CLTCL1: variants seen among roughly 807,000 people sequenced by gnomAD.
CLTCL1 encodes clathrin heavy chain like 1, also known as clathrin heavy chain 2.
CLTCL1 carries 159 observed loss-of-function variants against 190.0 expected under a neutral mutation model. The ratio of observed to expected loss-of-function variants is 0.84; its 90% CI spans 0.74 to 0.95. The LOEUF is 0.95. Among genes scored for constraint, CLTCL1 ranks in the 40% least tolerant of loss-of-function variants. CLTCL1 has a pLI of 0.00. For synonymous variants in CLTCL1, 752 were observed against 769.6 expected (o/e 0.98, Z 0.38); for missense variants, 1,878 against 2,033.4 (o/e 0.92, Z 1.47).
intron 2 of CLTCL1, among the ~76,000 whole-genome samples, chr22:19,260,528 C>T (rs2086906457): frequency 6.6e-6 from 1 of 151,978 alleles, no homozygotes; most frequent in African/African-American, 2.4e-5. Context: ...GTAATCCCAG[C>T]ACTTTGGAAG....
chr22:19,210,330 A>G lies in CLTCL1; in HGVS notation c.3245T>C (p.Ile1082Thr). 3 of 1,613,660 alleles carry G rather than the reference A, an allele frequency of 1.9e-6. No individual in the cohort carries two copies. The highest frequency in any genetic ancestry group is 2.5e-6 in the Non-Finnish European group (3 of 1,179,594). ...TGCTTACACTCAGCAGCCCACCTGG[A>G]TTGCTGAGGCATTCATATCAAACTT... ...FHKFDMNASA[I>T]QVLIEHIGNL... The change falls in exon 20 of 33, where the codon ATC (isoleucine) becomes ACC (threonine). Residue 1082 changes from isoleucine to threonine, a missense_variant. Transcript: ENST00000427926.
At chr22:19,189,589 T>G (rs2084424983) in intron 27 of CLTCL1, among the ~76,000 whole-genome samples, 1 of 152,206 alleles carries the variant, frequency 6.6e-6, no homozygotes, top group African/African-American at 2.4e-5. Flanking sequence ...ATTCAGCCCC[T>G]TCTTCAGGCT....
chr22:19,199,498 G>A (rs712957), intron 24 of CLTCL1, among the ~76,000 whole-genome samples: 8,973 of 152,298 alleles, frequency 0.059, 329 homozygotes, highest in Middle Eastern at 0.16. Flanking sequence ...AGAGGATGGA[G>A]AGAACTTAAA....
intron 2 of CLTCL1, chr22:19,258,212 G>A (rs1238790300): frequency 5.8e-6 from 2 of 341,888 alleles, no homozygotes; most frequent in South Asian, 2.4e-5. Flanking sequence ...TACTAGCTTT[G>A]GGTTGACTGT....
At chr22:19,184,474 G>A (rs532078879) in intron 29 of CLTCL1, 149 of 455,998 alleles carry the variant, frequency 3.3e-4, no homozygotes, top group African/African-American at 2.3e-3. Context: ...AGCTGGCTCC[G>A]GAAAGAAGTC....
At chr22:19,207,789 G>A (rs1236865016) in intron 22 of CLTCL1, 6 of 580,808 alleles carry the variant, frequency 1.0e-5, no homozygotes, top group South Asian at 2.2e-5. Context: ...CAGCACACGC[G>A]AGGATCTGTG....
At chr22:19,219,546 C>T (rs1192621775) in intron 18 of CLTCL1, among the ~76,000 whole-genome samples, 4 of 151,626 alleles carry the variant, frequency 2.6e-5, no homozygotes, top group African/African-American at 4.9e-5. Context: ...TGCAGTGGCA[C>T]GATGTCGGCT....
chr22:19,229,458 C>T (rs1456492884), intron 11 of CLTCL1, among the ~76,000 whole-genome samples: 2 of 152,132 alleles, frequency 1.3e-5, no homozygotes, highest in African/African-American at 4.8e-5. Flanking sequence ...TTAACAGTTA[C>T]ATAGTTACTC....
intron 2 of CLTCL1, chr22:19,258,381 A>T (rs2086833968): frequency 2.4e-6 from 1 of 422,050 alleles, no homozygotes; most frequent in Non-Finnish European, 4.5e-6. Flanking sequence ...GTCCACCGAG[A>T]TCAGAGCTGC....
chr22:19,279,692 C>G (rs1012062337), intron 1 of CLTCL1, among the ~76,000 whole-genome samples: 1 of 152,228 alleles, frequency 6.6e-6, no homozygotes, highest in Non-Finnish European at 1.5e-5. Context: ...CACGGATAAT[C>G]AGTCCCCTAC....
intron 11 of CLTCL1, among the ~76,000 whole-genome samples, chr22:19,228,291 T>C (rs952491053): frequency 3.9e-5 from 6 of 152,248 alleles, no homozygotes; most frequent in Non-Finnish European, 8.8e-5. Flanking sequence ...TTTTATAGAA[T>C]GTAGAAACCA....
Position 19,208,280 on chromosome 22 carries a change from CT to C in CLTCL1, c.3473del (p.Gln1158ArgfsTer12), listed in dbSNP as rs782362382. On this transcript the variant is annotated frameshift_variant, in exon 22 of 33. Transcript: ENST00000427926. LOFTEE classifies it high-confidence loss of function. ...NNWEDLVKFL[Q>X]MARKKGRESY... ...ACTCACGGCCCTTTTTCCTGGCCAT[CT>C]GCAGAAATTTAACTAGATCCTCCCA... 4 of 1,613,784 alleles carry C rather than the reference CT, an allele frequency of 2.5e-6. No homozygotes were observed. The South Asian group carries it at 4.4e-5, about 18-fold the overall frequency.
At chr22:19,232,198 G>C (rs1460932415) in intron 10 of CLTCL1, among the ~76,000 whole-genome samples, 2 of 151,990 alleles carry the variant, frequency 1.3e-5, no homozygotes, top group Non-Finnish European at 2.9e-5. Flanking sequence ...TGGAGGGCTG[G>C]AACCTAAATG....
chr22:19,196,771 A>T lies in CLTCL1; in HGVS notation c.3874-115T>A, dbSNP rs1258560642. On this transcript the variant is annotated intron_variant, in intron 24 of 32. Transcript: ENST00000427926. Reference sequence around the variant, plus strand: ...CTTGTGACTGGGAATGATCCCGAGGAGGCATGTGTGAAGAAAACGTGTATA... The same window carrying T: ...CTTGTGACTGGGAATGATCCCGAGGTGGCATGTGTGAAGAAAACGTGTATA... 6 of 1,225,110 alleles carry T rather than the reference A, an allele frequency of 4.9e-6. No individual in the cohort carries two copies. In the African/African-American group the frequency reaches 9.1e-5, roughly 19 times the overall value. 75.9% of individuals were successfully genotyped at this position (1,225,110 alleles called of 1,614,324 possible).
At chr22:19,257,662 C>G (rs1437045701) in intron 2 of CLTCL1, 4 of 503,012 alleles carry the variant, frequency 8.0e-6, no homozygotes, top group Non-Finnish European at 1.4e-5. Context: ...TCCCAGATCT[C>G]TGTGTCCTGC....
At chr22:19,183,794 T>A (rs1477966638) in intron 29 of CLTCL1, 183 bp from the exon 30 acceptor site, 5 of 634,854 alleles carry the variant, frequency 7.9e-6, no homozygotes, top group Non-Finnish European at 1.4e-5. Flanking sequence ...GAAACGGAGA[T>A]GCCACCTCCG....
At chr22:19,208,789 T>A in intron 21 of CLTCL1, 133 bp downstream of exon 21, 1 of 734,572 alleles carries the variant, frequency 1.4e-6, no homozygotes, top group Non-Finnish European at 2.2e-6. Context: ...TGGGAAACTT[T>A]CATGTAGATG....
rs2085576348 is a variant in CLTCL1 at position 19,221,712 on chromosome 22, C to T, written c.2562-101G>A. ...AGATGTTTCCTGAAACAAAAAATCT[C>T]AGAGTCCATTGACTTCAGGTTGCTC... On this transcript the variant is annotated intron_variant, in intron 16 of 32. Transcript: ENST00000427926. 2.6e-6 allele frequency: 3 copies of T among 1,140,232 alleles called. No individual in the cohort carries two copies. The East Asian group carries it at 7.7e-5, about 29-fold the overall frequency. The allele number at this position is 1,140,232 out of a possible 1,614,324, so 70.6% of individuals were successfully genotyped here. A position where few individuals can be genotyped will look rare whatever the true frequency, so the allele number is the denominator to read the frequency against.
At chr22:19,286,747 T>C (rs1361807552) in intron 1 of CLTCL1, among the ~76,000 whole-genome samples, 1 of 152,210 alleles carries the variant, frequency 6.6e-6, no homozygotes, top group African/African-American at 2.4e-5. Flanking sequence ...CTGGGCTGTG[T>C]GTAAGACTCA....
Sources: allele counts gnomAD v4.1 joint callset (sites outside exome capture counted in the v4.1 genomes callset), GRCh38; gene constraint gnomAD v4.1.1; transcripts MANE v1.5; gene names NCBI Gene and HGNC (gene_info 2026-07-23, HGNC 2026-07-21).